Variants in C17orf58 observed in about 807,000 individuals in gnomAD.
C17orf58 encodes the protein chromosome 17 open reading frame 58.
C17orf58 carries 5 observed loss-of-function variants against 7.4 expected under a neutral mutation model. That is an observed-to-expected ratio of 0.67 (90% confidence interval 0.35 to 1.42). The LOEUF is 1.42. Ranked by LOEUF, C17orf58 falls within the 40% of genes most tolerant of loss-of-function variation. C17orf58 has a pLI of 0.04. For missense variants in C17orf58, 162 were observed against 174.2 expected, an observed-to-expected ratio of 0.93 and a Z score of 0.40; for synonymous variants, 60 against 70.6, an observed-to-expected ratio of 0.85 and a Z score of 0.75.
At chr17:67,992,254 A>G (rs1370276859) in intron 3 of C17orf58, among the ~76,000 whole-genome samples, 151 bp from the exon 4 acceptor site, 1 of 152,172 alleles carries the variant, frequency 6.6e-6, no homozygotes, top group Admixed American at 6.6e-5. Context: ...TCTGGTGGAA[A>G]CAGCCTAGCC....
At chr17:67,992,309 T>C (rs2070841198) in intron 3 of C17orf58, among the ~76,000 whole-genome samples, 1 of 152,122 alleles carries the variant, frequency 6.6e-6, no homozygotes. Context: ...GGCTCACGCC[T>C]TTAATCCCAG....
intron 1 of C17orf58, among the ~76,000 whole-genome samples, chr17:67,994,474 GTGTGTA>G (rs1467305420): frequency 1.6e-4 from 22 of 139,852 alleles, no homozygotes; most frequent in African/African-American, 5.5e-4. Context: ...ATACGTATAT[GTGTGTA>G]TGTGTGCGTG....
chr17:67,994,535 T>TATATAAA (rs71142122), intron 1 of C17orf58, among the ~76,000 whole-genome samples: 3 of 100,310 alleles, frequency 3.0e-5, no homozygotes, highest in Non-Finnish European at 4.6e-5. Context: ...TATATATATA[T>TATATAAA]AAAACATATA....
At chr17:67,995,351 A>G (rs1434292302) in intron 1 of C17orf58, among the ~76,000 whole-genome samples, 1 of 152,200 alleles carries the variant, frequency 6.6e-6, no homozygotes, top group African/African-American at 2.4e-5. Flanking sequence ...CCATTGATAT[A>G]ACCATCTGTT....
At chr17:67,992,436 C>T (rs574519565) in intron 3 of C17orf58, among the ~76,000 whole-genome samples, 19 of 152,000 alleles carry the variant, frequency 1.3e-4, no homozygotes, top group Non-Finnish European at 1.8e-4. Flanking sequence ...GGCGTGGTGG[C>T]GCATGCCTGT....
intron 1 of C17orf58, among the ~76,000 whole-genome samples, chr17:67,994,457 T>G (rs2070871958): frequency 6.7e-6 from 1 of 148,382 alleles, no homozygotes; most frequent in Non-Finnish European, 1.5e-5. Flanking sequence ...TGCCCTTCCT[T>G]TAATATATAC....
chr17:67,992,567 CAAAAAAAAAAAAAA>C (rs59543001), intron 3 of C17orf58, among the ~76,000 whole-genome samples: 2 of 52,782 alleles, frequency 3.8e-5, no homozygotes, highest in African/African-American at 7.8e-5. Context: ...GACTCAATCT[CAAAAAAAAAAAAAA>C]AAAAAAAAAA....
Position 67,993,152 on chromosome 17 carries a change from A to T in C17orf58, c.721T>A (p.Tyr241Asn). Residue 241 changes from tyrosine to asparagine, a missense_variant, in exon 3 of 4, where the codon TAC (tyrosine) becomes AAC (asparagine). Physicochemically the swap from Tyr to Asn is moderately radical, Grantham distance 143 (BLOSUM62 -2). Coordinates refer to ENST00000580729, the MANE Select transcript of C17orf58 (RefSeq NM_001382359.1). This position sits in a 1 kb window ranked among gnomAD's most constrained non-coding sequence, Gnocchi z 5.1. ...VTLLVDRDGL[Y>N]KMNRLYLTPD... The stretch of plus-strand genomic sequence containing the variant: ...GTGAGGTACAGGCGGTTCATCTTGT[A>T]CAGCCCGTCCCGATCCACCAGCAGG... The T allele has an allele frequency of 1.2e-6, 2 of 1,613,872 alleles. No homozygotes were observed. The highest frequency in any genetic ancestry group is 1.7e-6 in the Non-Finnish European group (2 of 1,179,852).
intron 1 of C17orf58, 54 bp downstream of exon 1, chr17:67,996,069 C>G: frequency 2.5e-6 from 1 of 398,254 alleles, no homozygotes; most frequent in Admixed American, 4.4e-5. Context: ...CTTCCCAGCT[C>G]CCCCCCACAG....
intron 1 of C17orf58, among the ~76,000 whole-genome samples, chr17:67,995,433 A>G (rs1217931758): frequency 6.6e-6 from 1 of 152,232 alleles, no homozygotes; most frequent in Non-Finnish European, 1.5e-5. Flanking sequence ...TGGAAAAATA[A>G]CCCAGAGTAA....
At chr17:67,992,811 T>G in intron 3 of C17orf58, 1 of 1,452,074 alleles carries the variant, frequency 6.9e-7, no homozygotes, top group South Asian at 1.4e-5. Context: ...ATCTATTTAT[T>G]GACAGCCCGC....
In C17orf58 at chr17:67,992,516, C is replaced by T. The variant is rs149416901; in HGVS notation, c.830-413G>A. Among the ~76,000 whole-genome samples, 585 of 131,868 alleles carry T rather than the reference C, an allele frequency of 4.4e-3. 5 individuals carry two copies. The highest frequency in any genetic ancestry group is 0.012 in the East Asian group (53 of 4,334). 86.5% of individuals were successfully genotyped at this position (131,868 alleles called of 152,430 possible). On this transcript the variant is annotated intron_variant, in intron 3 of 3. Coordinates refer to ENST00000580729, the MANE Select transcript of C17orf58 (RefSeq NM_001382359.1). ...CCGGCAGGTGGAGGGTGCAGTGAGC[C>T]GAGATCGAACCACTGCACTCCAGCC...
At chr17:67,994,874 G>A (rs1172852004) in intron 1 of C17orf58, among the ~76,000 whole-genome samples, 1 of 151,998 alleles carries the variant, frequency 6.6e-6, no homozygotes, top group African/African-American at 2.4e-5. Flanking sequence ...TTAGATGATG[G>A]AGGAAAGACT....
At chr17:67,996,073 C>G (rs7502578) in intron 1 of C17orf58, 50 bp downstream of exon 1, 216,657 of 398,552 alleles carry the variant, frequency 0.54, 66,403 homozygotes, top group Non-Finnish European at 0.64. Context: ...CCAGCTCCCC[C>G]CCACAGATCC....
At position 67,992,002 on chromosome 17, in the gene C17orf58, GTCCATCCCCTGGAC is replaced by G. The variant is rs2070837189; in HGVS notation, c.917_930del (p.Arg306ProfsTer13). The G allele has an allele frequency of 6.2e-7, 1 of 1,613,156 alleles. No individual in the cohort carries two copies. Among genetic ancestry groups the G allele is most frequent in the Non-Finnish European group, 8.5e-7 (1 of 1,179,576 alleles). ...ACATAGCTGCTGCTGCTCCTTAGCA[GTCCATCCCCTGGAC>G]GGAGGCGGCCTCTCAGGACCTGGAG... On this transcript the variant is annotated frameshift_variant, in exon 4 of 4. Transcript: ENST00000580729. LOFTEE classifies it high-confidence loss of function.
chr17:67,995,310 ACTGT>A (rs1290472697), intron 1 of C17orf58, among the ~76,000 whole-genome samples: 12 of 152,316 alleles, frequency 7.9e-5, no homozygotes, highest in South Asian at 2.1e-4. Flanking sequence ...CCAATTCCTG[ACTGT>A]CAACTGTTGA....
At chr17:67,994,508 GTGTGTGTGTATATATA>G (rs1257040263) in intron 1 of C17orf58, among the ~76,000 whole-genome samples, 4 of 55,970 alleles carry the variant, frequency 7.1e-5, no homozygotes, top group Non-Finnish European at 1.1e-4. Context: ...GTGTGTGTGT[GTGTGTGTGTATATATA>G]TATATATATA....
In C17orf58 at chr17:67,993,877, C is replaced by G; in HGVS notation, c.184G>C (p.Ala62Pro). 2.7e-6 allele frequency: 1 copy of G among 370,090 alleles called. No individual in the cohort carries two copies. The allele number at this position is 370,090 out of a possible 1,614,324, so 22.9% of individuals were successfully genotyped here. A position where few individuals can be genotyped will look rare whatever the true frequency, so the allele number is the denominator to read the frequency against. The change falls in exon 2 of 4, where the codon GCG (alanine) becomes CCG (proline). Residue 62 changes from alanine (A) to proline (P), a missense_variant. Ala to Pro is a conservative substitution (Grantham distance 27). Coordinates refer to ENST00000580729, the MANE Select transcript of C17orf58 (RefSeq NM_001382359.1). The surrounding 1 kb of genome is among the most constrained non-coding windows in gnomAD (Gnocchi z 5.1). ...CGGGCGGCGGGAGCGACCTCGGCCG[C>G]GCGCGGCCGCTGCGGGGCCTCAAGG... ...PLLEAPQRPRAAEVAPAARAW... is the reference protein window; with the variant it reads ...PLLEAPQRPRPAEVAPAARAW...
Position 67,993,983 on chromosome 17 carries a change from G to A in C17orf58, c.78C>T (p.Thr26=), listed in dbSNP as rs1232260938. The change falls in exon 2 of 4, where the codon ACC becomes ACT. Residue 26 remains threonine (T), a splice_region_variant and synonymous_variant. Transcript: ENST00000580729. The surrounding 1 kb of genome is among the most constrained non-coding windows in gnomAD (Gnocchi z 5.1). The stretch of plus-strand genomic sequence containing the variant: ...CCGGCTTTCTGCTGTGCGGCGGCGA[G>A]GCTGTGGGGAGAGAAGAGGAGAGGC... The part of the protein sequence containing the change: ...SPEAPVAERK[T]SPPHSRKPDS... 91 of 396,376 alleles carry A rather than the reference G, an allele frequency of 2.3e-4. 1 individual carries two copies. The East Asian group carries it at 2.6e-3, about 12-fold the overall frequency. 24.6% of individuals were successfully genotyped at this position (396,376 alleles called of 1,614,324 possible). A position where few individuals can be genotyped will look rare whatever the true frequency, so the allele number is the denominator to read the frequency against.
Sources: allele counts gnomAD v4.1 joint callset (sites outside exome capture counted in the v4.1 genomes callset), GRCh38; gene constraint gnomAD v4.1.1; non-coding constraint Gnocchi (gnomAD v3.1); transcripts MANE v1.5; gene names NCBI Gene and HGNC (gene_info 2026-07-23, HGNC 2026-07-21).